Variants in KIAA1755 observed in about 807,000 individuals in gnomAD.
KIAA1755 encodes the protein KIAA1755.
Under a neutral mutation model 91.7 loss-of-function variants are expected in KIAA1755, and 68 were observed. The ratio of observed to expected loss-of-function variants is 0.74; its 90% CI spans 0.61 to 0.91. The LOEUF (loss-of-function observed/expected upper bound fraction) is 0.91, where lower values mean the gene tolerates loss of function less well. Among genes scored for constraint, KIAA1755 ranks in the 40% least tolerant of loss-of-function variants. The pLI is 0.00. For synonymous variants in KIAA1755, 610 were observed against 604.6 expected, an observed-to-expected ratio of 1.01 and a Z score of -0.13; for missense variants, 1,535 against 1,494.4, an observed-to-expected ratio of 1.03 and a Z score of -0.45.
chr20:38,242,150 G>C (rs1239633541), intron 2 of KIAA1755, among the ~76,000 whole-genome samples: 2 of 152,212 alleles, frequency 1.3e-5, no homozygotes, highest in Non-Finnish European at 2.9e-5. Flanking sequence ...TGACCCAAGT[G>C]AGAAAGCTCA....
intron 4 of KIAA1755, chr20:38,233,476 G>C (rs1219645397): frequency 1.3e-5 from 2 of 152,122 alleles, no homozygotes; most frequent in Admixed American, 1.3e-4. Context: ...TGGGTCCCTT[G>C]GGTCAGGAAA....
Position 38,241,278 on chromosome 20 carries a change from T to A in KIAA1755, c.853A>T (p.Ser285Cys). 1 of 1,614,098 alleles carries A rather than the reference T, an allele frequency of 6.2e-7. No homozygotes were observed. The highest frequency in any genetic ancestry group is 8.5e-7 in the Non-Finnish European group (1 of 1,180,010). ...TCCCTACTGGGAGACTCTCCTCTGC[T>A]CTCTTGGGAAAAGCCTAGGAGAGCC... The part of the protein sequence containing the change: ...YVALLGFSQE[S>C]RGESPSREAG... Residue 285 changes from serine to cysteine, a missense_variant, in exon 3 of 14, where the codon AGC becomes TGC. By Grantham distance (112) the Ser-to-Cys change is moderately radical. Coordinates refer to ENST00000279024, the MANE Select transcript of KIAA1755 (RefSeq NM_001029864.2).
At chr20:38,251,925 G>A (rs1177217617) in intron 1 of KIAA1755, among the ~76,000 whole-genome samples, 1 of 151,992 alleles carries the variant, frequency 6.6e-6, no homozygotes, top group Non-Finnish European at 1.5e-5. Flanking sequence ...AAGGGCACAG[G>A]TTGATGCCTT....
chr20:38,233,480 C>G (rs2075905028), intron 4 of KIAA1755: 1 of 152,120 alleles, frequency 6.6e-6, no homozygotes. Context: ...TCCCTTGGGT[C>G]AGGAAATGCT....
rs6024111 is a variant in KIAA1755, at chr20:38,227,781, C to T, written c.1965+366G>A. On this transcript the variant is annotated intron_variant, in intron 6 of 13. Coordinates refer to ENST00000279024, the MANE Select transcript of KIAA1755 (RefSeq NM_001029864.2). ...TTCCTAATGGATTTAAATTAGAGAC[C>T]ATGTGAAGTCAGAGCTGCTGGGAGC... Among the ~76,000 whole-genome samples, 233 of 152,340 alleles carry T rather than the reference C, an allele frequency of 1.5e-3. 2 individuals carry two copies. Among genetic ancestry groups the T allele is most frequent in the African/African-American group, 5.1e-3 (214 of 41,576 alleles).
intron 2 of KIAA1755, among the ~76,000 whole-genome samples, chr20:38,244,143 T>A (rs2076114809): frequency 6.6e-6 from 1 of 152,164 alleles, no homozygotes; most frequent in Non-Finnish European, 1.5e-5. Context: ...GAAATGTTGT[T>A]ACCTTGAGGA....
chr20:38,229,315 G>T (rs1273214861), intron 5 of KIAA1755, among the ~76,000 whole-genome samples: 1 of 152,190 alleles, frequency 6.6e-6, no homozygotes, highest in East Asian at 1.9e-4. Flanking sequence ...TTCTTGTAAA[G>T]CACTCAGTGA....
chr20:38,229,783 G>C (rs149050273), intron 5 of KIAA1755, among the ~76,000 whole-genome samples: 178 of 152,286 alleles, frequency 1.2e-3, no homozygotes, highest in African/African-American at 4.0e-3. Context: ...GCGAGCCTTG[G>C]GGAGGGGAGA....
chr20:38,248,221 T>TAAATA (rs1458860601), intron 1 of KIAA1755, among the ~76,000 whole-genome samples: 1 of 151,978 alleles, frequency 6.6e-6, no homozygotes, highest in African/African-American at 2.4e-5. Context: ...AGAGCAATAA[T>TAAATA]AAATAAAATA....
intron 12 of KIAA1755, 144 bp downstream of exon 12, chr20:38,218,100 C>T (rs1223223058): frequency 7.0e-6 from 7 of 1,000,344 alleles, no homozygotes; most frequent in Non-Finnish European, 1.0e-5. Context: ...CTCAGCTGAA[C>T]TCTGCAATCC....
At chr20:38,221,148 G>T (rs975947678) in intron 10 of KIAA1755, among the ~76,000 whole-genome samples, 1 of 152,194 alleles carries the variant, frequency 6.6e-6, no homozygotes, top group Non-Finnish European at 1.5e-5. Flanking sequence ...CCCAGGGTGC[G>T]TGAATAGGAT....
chr20:38,240,615 G>A lies in KIAA1755; in HGVS notation c.1516C>T (p.Pro506Ser). Residue 506 changes from proline to serine, a missense_variant, in exon 3 of 14, where the codon CCT (proline) becomes TCT (serine). Transcript: ENST00000279024. The stretch of plus-strand genomic sequence containing the variant: ...AAAGATTTGGCTCGGTTGGGTTTAG[G>A]AGAGTAGAGGGAACACAGGACTTTC... ...PWKVLCSLYS[P>S]KPNRAKSLGK... is the part of the protein sequence containing the mutation. The A allele has an allele frequency of 6.6e-7, 1 of 1,505,030 alleles. No homozygotes were observed. 93.2% of individuals were successfully genotyped at this position (1,505,030 alleles called of 1,614,324 possible).
intron 1 of KIAA1755, among the ~76,000 whole-genome samples, chr20:38,251,278 T>C (rs1332786188): frequency 2.0e-5 from 3 of 152,188 alleles, no homozygotes; most frequent in African/African-American, 7.2e-5. Context: ...GAAGTCTTTC[T>C]CCTTAGGTCT....
chr20:38,223,550 A>AG lies in KIAA1755; in HGVS notation c.2255dup (p.Gly753TrpfsTer43), dbSNP rs2075700145. On this transcript the variant is annotated frameshift_variant, in exon 9 of 14. Transcript: ENST00000279024. LOFTEE classifies it high-confidence loss of function. Reference sequence around the variant, plus strand: ...GCTCCAGGCTCACCTGCATCCCCCCAGGGGGGTCGGCCTTCTCGAATTCCT... The same window carrying AG: ...GCTCCAGGCTCACCTGCATCCCCCCAGGGGGGGTCGGCCTTCTCGAATTCCT... The AG allele has an allele frequency of 1.3e-6, 2 of 1,594,852 alleles. No individual in the cohort carries two copies. The highest frequency in any genetic ancestry group is 1.1e-5 in the South Asian group (1 of 87,924).
intron 5 of KIAA1755, among the ~76,000 whole-genome samples, chr20:38,230,611 A>G (rs2075842342): frequency 6.6e-6 from 1 of 152,210 alleles, no homozygotes; most frequent in Non-Finnish European, 1.5e-5. Context: ...AAAACCGGCC[A>G]GGCACGGTGG....
At chr20:38,226,512 A>G (rs558208550) in intron 7 of KIAA1755, among the ~76,000 whole-genome samples, 1 of 152,324 alleles carries the variant, frequency 6.6e-6, no homozygotes, top group African/African-American at 2.4e-5. Flanking sequence ...CAGTAAGCAC[A>G]TTAAAGTTGG....
At chr20:38,219,563 G>A (rs1247433666) in intron 11 of KIAA1755, 67 bp downstream of exon 11, 2 of 1,590,090 alleles carry the variant, frequency 1.3e-6, no homozygotes, top group East Asian at 4.5e-5. Flanking sequence ...CGGGCCCAGA[G>A]TCGGGGCTTT....
intron 2 of KIAA1755, among the ~76,000 whole-genome samples, chr20:38,245,258 T>C (rs1226545960): frequency 6.6e-6 from 1 of 152,156 alleles, no homozygotes; most frequent in African/African-American, 2.4e-5. Flanking sequence ...TGAGCTTCCC[T>C]GGGTTCCAGC....
At chr20:38,226,950 C>T (rs1178065061) in intron 7 of KIAA1755, among the ~76,000 whole-genome samples, 1 of 152,198 alleles carries the variant, frequency 6.6e-6, no homozygotes, top group Non-Finnish European at 1.5e-5. Flanking sequence ...AGAGAGATAT[C>T]ACTCTGTGAC....
Sources: allele counts gnomAD v4.1 joint callset (sites outside exome capture counted in the v4.1 genomes callset), GRCh38; gene constraint gnomAD v4.1.1; transcripts MANE v1.5; gene names NCBI Gene and HGNC (gene_info 2026-07-23, HGNC 2026-07-21).